WDFY3: variants seen among roughly 807,000 people sequenced by gnomAD.
The protein encoded by WDFY3 is WD repeat and FYVE domain containing 3.
In WDFY3, 66 loss-of-function variants were observed where a neutral mutation model predicts 409.6. The observed-to-expected ratio is 0.16, with a 90% CI of 0.13 to 0.20. The LOEUF is 0.20. Among genes scored for constraint, WDFY3 ranks in the 10% least tolerant of loss-of-function variants. WDFY3 has a pLI of 1.00. For missense variants in WDFY3, 3,031 were observed against 4,298.1 expected, an observed-to-expected ratio of 0.71 and a Z score of 8.24; for synonymous variants, 1,521 against 1,537.1, an observed-to-expected ratio of 0.99 and a Z score of 0.25.
intron 47 of WDFY3, among the ~76,000 whole-genome samples, chr4:84,719,026 A>C (rs771994145): frequency 1.1e-4 from 17 of 152,196 alleles, no homozygotes; most frequent in Non-Finnish European, 1.5e-4. Context: ...CAGTTCTGCC[A>C]CTTTGTAGAC....
At chr4:84,855,029 A>T (rs532733328) in intron 4 of WDFY3, among the ~76,000 whole-genome samples, 1 of 152,354 alleles carries the variant, frequency 6.6e-6, no homozygotes, top group East Asian at 1.9e-4. Context: ...AATTCATAAC[A>T]GATTAAAAAA....
Position 84,798,130 on chromosome 4 carries a change from G to C in WDFY3, c.2823-22C>G, listed in dbSNP as rs778134973. The C allele has an allele frequency of 1.7e-5, 27 of 1,560,544 alleles. No individual in the cohort carries two copies. The East Asian group carries it at 5.8e-4, about 34-fold the overall frequency. Reference sequence around the variant, plus strand: ...CTCCCTAAGAAAGAGACAAAGCAAAGTTATTCCTTGATTGAGATTATTATA... The same window carrying C: ...CTCCCTAAGAAAGAGACAAAGCAAACTTATTCCTTGATTGAGATTATTATA... On this transcript the variant is annotated intron_variant, in intron 17 of 67. Coordinates refer to ENST00000295888, the MANE Select transcript of WDFY3 (RefSeq NM_014991.6).
intron 4 of WDFY3, among the ~76,000 whole-genome samples, chr4:84,853,533 T>C (rs533857830): frequency 6.6e-6 from 1 of 152,298 alleles, no homozygotes; most frequent in Non-Finnish European, 1.5e-5. Flanking sequence ...GGTGTATCAA[T>C]GTATATTTTG....
chr4:84,748,310 AGAGG>A (rs1180082127), intron 36 of WDFY3, among the ~76,000 whole-genome samples: 9 of 152,308 alleles, frequency 5.9e-5, no homozygotes. Context: ...ATTCTCAGAG[AGAGG>A]TTCACTTTTA....
Position 84,774,835 on chromosome 4 carries a change from C to T in WDFY3, c.4739G>A (p.Ser1580Asn), listed in dbSNP as rs746645318. The T allele has an allele frequency of 1.1e-5, 18 of 1,610,486 alleles. No individual in the cohort carries two copies. The highest frequency in any genetic ancestry group is 1.7e-5 in the Admixed American group (1 of 59,174). The change falls in exon 29 of 68, where the codon AGC (serine) becomes AAC (asparagine). Residue 1580 changes from serine (S) to asparagine (N), a missense_variant. By Grantham distance (46) the Ser-to-Asn change is conservative (BLOSUM62 1). Coordinates refer to ENST00000295888, the MANE Select transcript of WDFY3 (RefSeq NM_014991.6). Reference sequence around the variant, plus strand: ...TTTTTCCTACCTGAGCAGATCATTGCTGCTAGGAAAACCTTGCAGTAAGAA... The same window carrying T: ...TTTTTCCTACCTGAGCAGATCATTGTTGCTAGGAAAACCTTGCAGTAAGAA... ...LSFLLQGFPS[S>N]NDLLRFGQFI...
intron 58 of WDFY3, among the ~76,000 whole-genome samples, chr4:84,695,336 C>A (rs569149036): frequency 6.6e-6 from 1 of 152,090 alleles, no homozygotes; most frequent in Non-Finnish European, 1.5e-5. Context: ...CGTGCTCTCA[C>A]AGCACAGCAC....
intron 2 of WDFY3, among the ~76,000 whole-genome samples, chr4:84,910,537 C>A (rs1767619920): frequency 6.6e-6 from 1 of 152,084 alleles, no homozygotes; most frequent in Non-Finnish European, 1.5e-5. Context: ...TGATTTTCAA[C>A]AAGAGAGCCA....
chr4:84,674,865 C>T (rs1167399652), intron 67 of WDFY3, among the ~76,000 whole-genome samples: 2 of 151,320 alleles, frequency 1.3e-5, no homozygotes, highest in Non-Finnish European at 2.9e-5. Flanking sequence ...GAGACTCCGT[C>T]TCAAAAAAAA....
intron 4 of WDFY3, among the ~76,000 whole-genome samples, chr4:84,858,451 C>T (rs1025723128): frequency 6.6e-6 from 1 of 151,768 alleles, no homozygotes; most frequent in Non-Finnish European, 1.5e-5. Context: ...AGTAAAACAA[C>T]AAAGAATTCA....
chr4:84,716,523 G>A (rs1384214341), intron 49 of WDFY3, among the ~76,000 whole-genome samples: 8 of 143,440 alleles, frequency 5.6e-5, no homozygotes, highest in East Asian at 4.4e-4. Context: ...TCGGCCGGGC[G>A]CGGTGGCTCA....
chr4:84,804,625 T>A (rs1464358763), intron 15 of WDFY3, among the ~76,000 whole-genome samples: 1 of 152,192 alleles, frequency 6.6e-6, no homozygotes, highest in Admixed American at 6.5e-5. Flanking sequence ...CTAAGAAAAA[T>A]ATTCAAAATG....
intron 1 of WDFY3, among the ~76,000 whole-genome samples, chr4:84,951,428 C>A (rs550402186): frequency 3.9e-4 from 59 of 152,128 alleles, no homozygotes; most frequent in Non-Finnish European, 8.2e-4. Flanking sequence ...AATTACTTTA[C>A]CATCTTTAAA....
intron 42 of WDFY3, 86 bp downstream of exon 42, chr4:84,736,084 T>C: frequency 4.3e-6 from 6 of 1,404,498 alleles, no homozygotes; most frequent in Non-Finnish European, 4.7e-6. Flanking sequence ...TACAGAAAAG[T>C]TTCATTTCCA....
At chr4:84,901,660 A>G (rs1261072742) in intron 2 of WDFY3, among the ~76,000 whole-genome samples, 1 of 152,226 alleles carries the variant, frequency 6.6e-6, no homozygotes, top group Non-Finnish European at 1.5e-5. Context: ...AAATCATAGT[A>G]GATAGTTTAA....
At chr4:84,684,916 G>T (rs2148805974) in intron 62 of WDFY3, among the ~76,000 whole-genome samples, 1 of 152,340 alleles carries the variant, frequency 6.6e-6, no homozygotes, top group South Asian at 2.1e-4. Context: ...AGTCACTGGG[G>T]TGGAGACTTC....
chr4:84,672,822 G>C lies in WDFY3; in HGVS notation c.*46C>G, dbSNP rs772831283. ...CCTTCCAAGCTGGGACAGGAGAATC[G>C]GGAAGGGGTCTACAGACCATGGTCT... is the stretch of plus-strand genomic sequence containing the variant. On this transcript the variant is annotated 3_prime_UTR_variant, in exon 68 of 68. Transcript: ENST00000295888. 2 of 1,606,132 alleles carry C rather than the reference G, an allele frequency of 1.2e-6. No individual in the cohort carries two copies. The highest frequency in any genetic ancestry group is 1.7e-6 in the Non-Finnish European group (2 of 1,176,332).
chr4:84,716,487 T>C (rs1733939500), intron 49 of WDFY3, among the ~76,000 whole-genome samples: 1 of 146,930 alleles, frequency 6.8e-6, no homozygotes. Context: ...TTCCATGGCA[T>C]GTATCAATTT....
At chr4:84,810,442 T>A in intron 13 of WDFY3, 98 bp from the exon 14 acceptor site, 1 of 1,050,206 alleles carries the variant, frequency 9.5e-7, no homozygotes, top group Non-Finnish European at 1.3e-6. Flanking sequence ...ATTCTGTGAA[T>A]CTGACATGTT....
chr4:84,857,953 T>C (rs1234058537), intron 4 of WDFY3, among the ~76,000 whole-genome samples: 3 of 152,204 alleles, frequency 2.0e-5, no homozygotes, highest in Non-Finnish European at 4.4e-5. Flanking sequence ...CTCTACTTTT[T>C]CACACAGGCC....
Sources: gnomAD v4.1 joint callset for allele counts (sites outside exome capture counted in the v4.1 genomes callset) on GRCh38, gnomAD v4.1.1 for gene constraint, MANE v1.5 for transcripts, NCBI Gene and HGNC (gene_info 2026-07-23, HGNC 2026-07-21) for gene names.